Variants in TBC1D25 observed in about 807,000 individuals in gnomAD.
TBC1D25 encodes the protein 5SN3 snoRNA.
TBC1D25 carries 13 observed loss-of-function variants against 38.8 expected under a neutral mutation model. The ratio of observed to expected loss-of-function variants is 0.34; its 90% confidence interval spans 0.22 to 0.53. TBC1D25 has a LOEUF of 0.53. Ranked by LOEUF, TBC1D25 falls within the 20% of genes least tolerant of loss-of-function variation. The probability of loss-of-function intolerance (pLI) is 0.94; values close to 1 mark genes in which losing one functional copy is unlikely to be tolerated. For missense variants in TBC1D25, 372 were observed against 600.0 expected (o/e 0.62, Z 3.97); for synonymous variants, 225 against 255.6 (o/e 0.88, Z 1.14).
chrX:48,543,146 CT>C (rs1386824782), intron 2 of TBC1D25, among the ~76,000 whole-genome samples: 1 of 110,989 alleles, frequency 9.0e-6, no homozygotes, highest in Non-Finnish European at 1.9e-5. Context: ...AATGTATCCC[CT>C]GTAGATAAAG....
intron 3 of TBC1D25, among the ~76,000 whole-genome samples, chrX:48,550,430 CTG>C (rs201256563): frequency 0.087 from 9,663 of 111,367 alleles, 347 homozygotes; most frequent in Middle Eastern, 0.16. Flanking sequence ...TATTTGTCTA[CTG>C]CTGTGCTAAC....
chrX:48,542,754 C>T (rs1205752075), intron 2 of TBC1D25, among the ~76,000 whole-genome samples: 6 of 110,485 alleles, frequency 5.4e-5, no homozygotes, highest in Admixed American at 1.9e-4. Flanking sequence ...CGTGAGCCTC[C>T]GCACCCGGCC....
intron 2 of TBC1D25, among the ~76,000 whole-genome samples, chrX:48,543,397 C>T (rs1310423129): frequency 1.2e-4 from 13 of 107,033 alleles, no homozygotes; most frequent in Admixed American, 4.0e-4. Flanking sequence ...CCACCATGCC[C>T]GGCTAATTTT....
At position 48,561,508 on chromosome X, in the gene TBC1D25, T is replaced by G. The variant is rs1338743746; in HGVS notation, c.*533T>G. Reference sequence around the variant, plus strand: ...TCAGGACAGCCCCCTGGATGAGAGATAAGAGAGTTCCTGGCTCAAAAAAGG... The same window carrying G: ...TCAGGACAGCCCCCTGGATGAGAGAGAAGAGAGTTCCTGGCTCAAAAAAGG... On this transcript the variant is annotated 3_prime_UTR_variant, in exon 6 of 6. Transcript: ENST00000376771. 1.8e-5 allele frequency: 2 copies of G among 112,120 alleles called. No homozygotes were observed. The highest frequency in any genetic ancestry group is 6.5e-5 in the African/African-American group (2 of 30,747). 9.2% of individuals were successfully genotyped at this position (112,120 alleles called of 1,213,427 possible).
rs782367059 is a variant in TBC1D25 at position 48,541,352 on chromosome X, C to T, written c.143C>T (p.Pro48Leu). The T allele has an allele frequency of 1.1e-5, 13 of 1,209,814 alleles. No homozygotes were observed. The highest frequency in any genetic ancestry group is 3.0e-5 in the East Asian group (1 of 33,779). Residue 48 changes from proline to leucine, a missense_variant, in exon 2 of 6, where the codon CCG (proline) becomes CTG (leucine). Coordinates refer to ENST00000376771, the MANE Select transcript of TBC1D25 (RefSeq NM_002536.4). ...CCCCAGAAATGTGAGAGCTTCTTGC[C>T]GCCAGAGTTCCGCTCTTTTGCTGTA... ...VRVKKCESFL[P>L]PEFRSFAVDP...
At chrX:48,557,082 C>T (rs782303969) in intron 3 of TBC1D25, among the ~76,000 whole-genome samples, 2 of 107,281 alleles carry the variant, frequency 1.9e-5, no homozygotes, top group Non-Finnish European at 3.8e-5. Context: ...AAAAAATCAT[C>T]CACGCATGGT....
chrX:48,562,041 C>T lies in TBC1D25; in HGVS notation c.*1066C>T, dbSNP rs782291748. ...GGAGGATAATGATCAAAAAAAGGTCCTTTTTCCCACTGACATGCTCAGAGG... is the reference window on the plus strand; with the variant it reads ...GGAGGATAATGATCAAAAAAAGGTCTTTTTTCCCACTGACATGCTCAGAGG... On this transcript the variant is annotated 3_prime_UTR_variant, in exon 6 of 6. Coordinates refer to ENST00000376771, the MANE Select transcript of TBC1D25 (RefSeq NM_002536.4). 8.9e-6 allele frequency: 1 copy of T among 112,315 alleles called. No homozygotes were observed. Among genetic ancestry groups the T allele is most frequent in the South Asian group, 3.6e-4 (1 of 2,749 alleles). 9.3% of individuals were successfully genotyped at this position (112,315 alleles called of 1,213,427 possible).
chrX:48,557,183 G>A (rs782428453), intron 3 of TBC1D25, among the ~76,000 whole-genome samples: 1 of 109,880 alleles, frequency 9.1e-6, no homozygotes, highest in South Asian at 3.8e-4. Context: ...AGCTATGATC[G>A]CACCACTGCA....
chrX:48,549,571 G>A (rs1164908553), intron 3 of TBC1D25, among the ~76,000 whole-genome samples: 1 of 112,003 alleles, frequency 8.9e-6, no homozygotes, highest in Non-Finnish European at 1.9e-5. Context: ...GCGCGATCTC[G>A]GCTCACTGCA....
chrX:48,552,853 A>C (rs1455107545), intron 3 of TBC1D25, among the ~76,000 whole-genome samples: 3 of 108,518 alleles, frequency 2.8e-5, no homozygotes, highest in African/African-American at 1.0e-4. Flanking sequence ...GCTATGGCAC[A>C]ATCTCAGCTT....
At chrX:48,554,050 G>A (rs975869952) in intron 3 of TBC1D25, among the ~76,000 whole-genome samples, 14 of 107,933 alleles carry the variant, frequency 1.3e-4, no homozygotes, top group African/African-American at 3.0e-4. Context: ...GTGTTGTGGC[G>A]CACACCTGTA....
At chrX:48,557,808 CA>C (rs61406665) in intron 3 of TBC1D25, among the ~76,000 whole-genome samples, 54,190 of 103,483 alleles carry the variant, frequency 0.52, 11,748 homozygotes, top group African/African-American at 0.76. Context: ...GACTCCATCT[CA>C]AAAAAAAAAG....
At chrX:48,547,951 A>G (rs1412156229) in intron 3 of TBC1D25, among the ~76,000 whole-genome samples, 2 of 108,273 alleles carry the variant, frequency 1.8e-5, no homozygotes, top group Admixed American at 1.0e-4. Flanking sequence ...AAAAAAAAAA[A>G]AAAAGCCCTC....
At chrX:48,553,606 TTTTC>T (rs1391922881) in intron 3 of TBC1D25, among the ~76,000 whole-genome samples, 10 of 84,882 alleles carry the variant, frequency 1.2e-4, no homozygotes, top group Admixed American at 1.1e-3. Context: ...CTGCAAGAGT[TTTTC>T]TTTTTCTTTT....
In TBC1D25 at chrX:48,544,906, C is replaced by T. The variant is rs782041132; in HGVS notation, c.271C>T (p.Arg91Trp). The change falls in exon 3 of 6, where the codon CGG becomes TGG. Residue 91 changes from arginine (R) to tryptophan (W), a missense_variant. Coordinates refer to ENST00000376771, the MANE Select transcript of TBC1D25 (RefSeq NM_002536.4). ...NFGISYLGRD[R>W]LGQEVYLSLL... ...TGGCATCAGCTACCTGGGCCGGGAC[C>T]GGCTAGGACAGGAAGTTTACCTCTC... The T allele has an allele frequency of 3.3e-6, 4 of 1,211,753 alleles. No homozygotes were observed. The highest frequency in any genetic ancestry group is 1.8e-5 in the South Asian group (1 of 56,960).
At chrX:48,543,750 G>C (rs1283737208) in intron 2 of TBC1D25, among the ~76,000 whole-genome samples, 1 of 108,244 alleles carries the variant, frequency 9.2e-6, no homozygotes. Flanking sequence ...CAGGCGTGGT[G>C]GTGGGCGCCT....
chrX:48,541,303 G>C lies in TBC1D25; in HGVS notation c.124-30G>C. ...TCTTCAGCATGGTGATGGGGCCCCT[G>C]GTGGCCTACCCCATGTCTTCTCTCC... On this transcript the variant is annotated intron_variant, in intron 1 of 5. Coordinates refer to ENST00000376771, the MANE Select transcript of TBC1D25 (RefSeq NM_002536.4). The C allele has an allele frequency of 5.0e-6, 6 of 1,196,258 alleles. No individual in the cohort carries two copies. In the Middle Eastern group the frequency reaches 9.5e-4, roughly 190 times the overall value.
rs782206455 is a variant in TBC1D25, at chrX:48,560,811, C to T, written c.1903C>T (p.Arg635Cys). 4.1e-6 allele frequency: 5 copies of T among 1,212,319 alleles called. No homozygotes were observed. Among genetic ancestry groups the T allele is most frequent in the Non-Finnish European group, 5.6e-6 (5 of 895,590 alleles). ...ILLEHRDHIM[R>C]NGLDYNELAM... The stretch of plus-strand genomic sequence containing the variant: ...GCTGGAGCACCGCGACCACATCATG[C>T]GCAATGGGCTGGATTATAATGAGCT... Residue 635 changes from arginine (R) to cysteine (C), a missense_variant, in exon 6 of 6, where the codon CGC becomes TGC. By Grantham distance (180) the Arg-to-Cys change is radical (BLOSUM62 -3). This residue lies in a region of TBC1D25 where 312 missense variants were observed against 549.3 expected (regional missense o/e 0.57). Coordinates refer to ENST00000376771, the MANE Select transcript of TBC1D25 (RefSeq NM_002536.4).
At chrX:48,543,894 A>C (rs1360499213) in intron 2 of TBC1D25, among the ~76,000 whole-genome samples, 10 of 110,037 alleles carry the variant, frequency 9.1e-5, no homozygotes, top group Non-Finnish European at 1.7e-4. Context: ...AAAAAAAAAA[A>C]AAAACGAATT....
Sources: gnomAD v4.1 joint callset for allele counts (sites outside exome capture counted in the v4.1 genomes callset) on GRCh38, gnomAD v4.1.1 for gene constraint, gnomAD v4.1.1 regional missense constraint, MANE v1.5 for transcripts, NCBI Gene and HGNC (gene_info 2026-07-23, HGNC 2026-07-21) for gene names.